Variants in GPM6A observed in about 807,000 individuals in gnomAD.
The protein encoded by GPM6A is neuronal membrane glycoprotein M6-a.
GPM6A carries 7 observed loss-of-function variants against 32.1 expected under a neutral mutation model. The ratio of observed to expected loss-of-function variants is 0.22; its 90% CI spans 0.12 to 0.41. The LOEUF is 0.41. Among genes scored for constraint, GPM6A ranks in the 10% least tolerant of loss-of-function variants. The pLI, the probability that GPM6A is intolerant of heterozygous loss-of-function variation, is 1.00. For missense variants in GPM6A, 235 were observed against 347.2 expected, an observed-to-expected ratio of 0.68 and a Z score of 2.57; for synonymous variants, 130 against 123.4, an observed-to-expected ratio of 1.05 and a Z score of -0.35.
chr4:176,001,299 C>A (rs770890892), intron 1 of GPM6A, among the ~76,000 whole-genome samples: 23 of 152,208 alleles, frequency 1.5e-4, no homozygotes, highest in South Asian at 4.1e-4. Flanking sequence ...AAGAAGTGAG[C>A]GGGCTGGGGT....
In GPM6A at chr4:175,685,709, G is replaced by A. The variant is rs115856599; in HGVS notation, c.231-11873C>T. On this transcript the variant is annotated intron_variant, in intron 2 of 6. Transcript: ENST00000393658. ...AGCAGAGATTCAGAGAAGAGGAGGA[G>A]AATGAAAAGCAGAGATTCTAGCCTT... Among the ~76,000 whole-genome samples the A allele has an allele frequency of 8.1e-3, 1,232 of 152,290 alleles. 12 individuals are homozygous for A. Among genetic ancestry groups the A allele is most frequent in the Middle Eastern group, 0.017 (5 of 294 alleles).
At chr4:175,706,286 A>C (rs1185603150) in intron 1 of GPM6A, among the ~76,000 whole-genome samples, 3 of 152,242 alleles carry the variant, frequency 2.0e-5, no homozygotes, top group Non-Finnish European at 4.4e-5. Flanking sequence ...ACATTTTTAA[A>C]AAGACATTGA....
At chr4:175,778,569 G>A (rs1733485766) in intron 1 of GPM6A, among the ~76,000 whole-genome samples, 1 of 142,496 alleles carries the variant, frequency 7.0e-6, no homozygotes, top group Admixed American at 7.4e-5. Flanking sequence ...AGGTTGCAGT[G>A]AGGGGAGATC....
intron 1 of GPM6A, among the ~76,000 whole-genome samples, chr4:175,744,287 A>C (rs1169427029): frequency 6.6e-6 from 1 of 152,070 alleles, no homozygotes; most frequent in Non-Finnish European, 1.5e-5. Context: ...CAAAAAGAAA[A>C]TTAGAATGTA....
intron 1 of GPM6A, among the ~76,000 whole-genome samples, chr4:175,958,462 G>A (rs1321836078): frequency 6.6e-6 from 1 of 152,146 alleles, no homozygotes; most frequent in Non-Finnish European, 1.5e-5. Flanking sequence ...CTACCCTTGA[G>A]AACCATAAAG....
intron 1 of GPM6A, among the ~76,000 whole-genome samples, chr4:175,782,717 T>C (rs1733659238): frequency 6.6e-6 from 1 of 152,104 alleles, no homozygotes; most frequent in Non-Finnish European, 1.5e-5. Flanking sequence ...ATAAGTAGTA[T>C]AAATTACCTT....
In GPM6A at chr4:175,633,584, C is replaced by G. The variant is rs1219190224; in HGVS notation, c.*1321G>C. On this transcript the variant is annotated 3_prime_UTR_variant, in exon 7 of 7. Transcript: ENST00000393658. ...TCAGGCTACATCATTTTAGAAGACA[C>G]TTTACAGCATTCTTGTAGCATTAGA... 1 of 152,438 alleles carries G rather than the reference C, an allele frequency of 6.6e-6. No homozygotes were observed. The highest frequency in any genetic ancestry group is 1.5e-5 in the Non-Finnish European group (1 of 67,936). The allele number at this position is 152,438 out of a possible 1,614,324, so 9.4% of individuals were successfully genotyped here. A position where few individuals can be genotyped will look rare whatever the true frequency, so the allele number is the denominator to read the frequency against.
chr4:175,750,597 G>A (rs1239407232), intron 1 of GPM6A, among the ~76,000 whole-genome samples: 1 of 125,746 alleles, frequency 8.0e-6, no homozygotes, highest in Admixed American at 7.9e-5. Context: ...TTTTTGACAG[G>A]GGTCTGGCTC....
At chr4:175,900,549 T>C (rs1393423531) in intron 1 of GPM6A, among the ~76,000 whole-genome samples, 2 of 147,866 alleles carry the variant, frequency 1.4e-5, no homozygotes, top group African/African-American at 2.5e-5. Flanking sequence ...ATCAGAGAAA[T>C]GCAAATCAAA....
intron 3 of GPM6A, among the ~76,000 whole-genome samples, chr4:175,665,081 T>A (rs73018179): frequency 6.6e-6 from 1 of 152,196 alleles, no homozygotes; most frequent in Non-Finnish European, 1.5e-5. Flanking sequence ...GACCACCCTC[T>A]GACACGTGGT....
At chr4:175,924,991 G>A (rs548490028) in intron 1 of GPM6A, among the ~76,000 whole-genome samples, 25 of 152,208 alleles carry the variant, frequency 1.6e-4, no homozygotes, top group African/African-American at 6.0e-4. Flanking sequence ...TTAAGTTCAT[G>A]TTTAATGAAA....
intron 1 of GPM6A, among the ~76,000 whole-genome samples, chr4:175,851,379 G>A (rs1736251413): frequency 6.6e-6 from 1 of 151,992 alleles, no homozygotes; most frequent in African/African-American, 2.4e-5. Flanking sequence ...CAGCTACTCT[G>A]GAGGCTGAGG....
chr4:175,700,243 T>C (rs1744804157), intron 2 of GPM6A, among the ~76,000 whole-genome samples: 1 of 152,146 alleles, frequency 6.6e-6, no homozygotes, highest in Non-Finnish European at 1.5e-5. Context: ...TTATAAAAAA[T>C]ACTTTGAAAT....
At chr4:175,783,707 G>A (rs1560930892) in intron 1 of GPM6A, among the ~76,000 whole-genome samples, 1 of 151,512 alleles carries the variant, frequency 6.6e-6, no homozygotes, top group East Asian at 1.9e-4. Context: ...AAGAATTATT[G>A]GCAATATTTT....
At chr4:175,668,519 A>ATGTGTGTGTG (rs56106172) in intron 3 of GPM6A, among the ~76,000 whole-genome samples, 53 of 139,344 alleles carry the variant, frequency 3.8e-4, no homozygotes, top group Admixed American at 1.4e-3. Flanking sequence ...TCAAACGTTT[A>ATGTGTGTGTG]TGTGTGTGTG....
At chr4:175,983,990 G>GTCTC (rs149265312) in intron 1 of GPM6A, among the ~76,000 whole-genome samples, 6 of 146,140 alleles carry the variant, frequency 4.1e-5, no homozygotes, top group East Asian at 2.0e-4. Context: ...TGCTCTCTCT[G>GTCTC]TCTCTCTCTC....
chr4:175,777,587 C>T (rs1733446208), intron 1 of GPM6A, among the ~76,000 whole-genome samples: 1 of 151,964 alleles, frequency 6.6e-6, no homozygotes, highest in Admixed American at 6.6e-5. Context: ...GTTATATCTA[C>T]TTATAAGATA....
At chr4:175,807,222 A>C (rs1175013806) in intron 1 of GPM6A, 1 of 152,200 alleles carries the variant, frequency 6.6e-6, no homozygotes, top group Non-Finnish European at 1.5e-5. Flanking sequence ...AATTTATTTA[A>C]ATTGTAAAAA....
rs149782525 is a variant in GPM6A, at chr4:175,780,607, C to T, written c.37+31584G>A. ...CTATATTTACCTATTTTATAGTTTTCGCTTAATGATTTCATGTGTCTCAAT... is the reference window on the plus strand; with the variant it reads ...CTATATTTACCTATTTTATAGTTTTTGCTTAATGATTTCATGTGTCTCAAT... On this transcript the variant is annotated intron_variant, in intron 1 of 6. Coordinates refer to ENST00000393658, the MANE Select transcript of GPM6A (RefSeq NM_201591.3). Among the ~76,000 whole-genome samples the T allele has an allele frequency of 5.3e-3, 804 of 152,268 alleles. 3 individuals carry two copies. The highest frequency in any genetic ancestry group is 0.034 in the Middle Eastern group (10 of 294).
Sources: gnomAD v4.1 joint callset for allele counts (sites outside exome capture counted in the v4.1 genomes callset) on GRCh38, gnomAD v4.1.1 for gene constraint, MANE v1.5 for transcripts, NCBI Gene and HGNC (gene_info 2026-07-23, HGNC 2026-07-21) for gene names.